Variants in C2orf42 observed in about 807,000 individuals in gnomAD.
The protein encoded by C2orf42 is chromosome 2 open reading frame 42.
Under a neutral mutation model 58.9 loss-of-function variants are expected in C2orf42, and 44 were observed. The observed-to-expected ratio is 0.75, with a 90% CI of 0.59 to 0.96. C2orf42 has a LOEUF of 0.96. C2orf42 is among the 40% of genes least tolerant of loss of function. The probability of loss-of-function intolerance (pLI) is 0.00; values close to 1 mark genes in which losing one functional copy is unlikely to be tolerated. For missense variants in C2orf42, 630 were observed against 699.2 expected (o/e 0.90, Z 1.12); for synonymous variants, 239 against 265.4 (o/e 0.90, Z 0.97).
chr2:70,187,987 G>A (rs557002687), intron 1 of C2orf42, among the ~76,000 whole-genome samples: 36 of 152,144 alleles, frequency 2.4e-4, no homozygotes, highest in African/African-American at 7.5e-4. Context: ...CACCATACCC[G>A]ACTGCATTTT....
Position 70,175,786 on chromosome 2 carries a change from C to A in C2orf42, c.935-9G>T. 1 of 1,480,342 alleles carries A rather than the reference C, an allele frequency of 6.8e-7. No homozygotes were observed. Among genetic ancestry groups the A allele is most frequent in the South Asian group, 1.1e-5 (1 of 88,310 alleles). 91.7% of individuals were successfully genotyped at this position (1,480,342 alleles called of 1,614,324 possible). ...ACTGTTCATCTGTGCACCTAAACCACAAATCATTACAGGTTTAACAATGTA... is the reference window on the plus strand; with the variant it reads ...ACTGTTCATCTGTGCACCTAAACCAAAAATCATTACAGGTTTAACAATGTA... On this transcript the variant is annotated splice_polypyrimidine_tract_variant and intron_variant, in intron 4 of 9. Coordinates refer to ENST00000264434, the MANE Select transcript of C2orf42 (RefSeq NM_017880.3).
chr2:70,152,753 G>C (rs564336381), intron 9 of C2orf42, among the ~76,000 whole-genome samples: 1 of 152,062 alleles, frequency 6.6e-6, no homozygotes, highest in Non-Finnish European at 1.5e-5. Context: ...TGAATAGCAG[G>C]GCCAGGTGCA....
intron 5 of C2orf42, among the ~76,000 whole-genome samples, chr2:70,173,643 T>C (rs1160181029): frequency 6.6e-6 from 1 of 152,016 alleles, no homozygotes; most frequent in African/African-American, 2.4e-5. Context: ...TTCTTTATTT[T>C]AGACAAGATT....
chr2:70,172,576 G>A (rs1467261203), intron 5 of C2orf42, among the ~76,000 whole-genome samples: 1 of 152,132 alleles, frequency 6.6e-6, no homozygotes, highest in Non-Finnish European at 1.5e-5. Context: ...CTACTTGGGA[G>A]GCTAAGGTGG....
At chr2:70,166,684 A>G (rs1277369211) in intron 6 of C2orf42, among the ~76,000 whole-genome samples, 1 of 152,036 alleles carries the variant, frequency 6.6e-6, no homozygotes, top group East Asian at 1.9e-4. Flanking sequence ...GAAAAAAAAG[A>G]AAAAAGACAA....
At chr2:70,158,192 C>A (rs1183619180) in intron 9 of C2orf42, among the ~76,000 whole-genome samples, 1 of 144,926 alleles carries the variant, frequency 6.9e-6, no homozygotes, top group Non-Finnish European at 1.5e-5. Context: ...GAGTGAGACT[C>A]GGTCTCAAAA....
chr2:70,176,961 T>C (rs781440892), intron 4 of C2orf42, among the ~76,000 whole-genome samples: 39 of 152,158 alleles, frequency 2.6e-4, no homozygotes, highest in Non-Finnish European at 5.6e-4. Context: ...CCAATAATTA[T>C]TTCCTTAGAA....
chr2:70,170,180 A>AG (rs1181880915), intron 5 of C2orf42, among the ~76,000 whole-genome samples: 1 of 117,392 alleles, frequency 8.5e-6, no homozygotes, highest in African/African-American at 4.7e-5. Context: ...AAGTTTGTCC[A>AG]GAAAAAAAAA....
intron 5 of C2orf42, among the ~76,000 whole-genome samples, chr2:70,170,826 CTG>C (rs546246817): frequency 1.2e-4 from 18 of 151,358 alleles, no homozygotes; most frequent in African/African-American, 4.4e-4. Flanking sequence ...TATATAATGA[CTG>C]TTTTAGGCTG....
chr2:70,177,790 A>G (rs1049382285), intron 4 of C2orf42, among the ~76,000 whole-genome samples: 1 of 152,152 alleles, frequency 6.6e-6, no homozygotes, highest in Non-Finnish European at 1.5e-5. Context: ...AATTCCAACA[A>G]TTTGGGAGGC....
chr2:70,184,479 A>ATT (rs771522645), intron 1 of C2orf42, among the ~76,000 whole-genome samples: 22 of 77,374 alleles, frequency 2.8e-4, no homozygotes, highest in Admixed American at 4.8e-4. Flanking sequence ...GCCTGGCCCT[A>ATT]TTTTTTTTTT....
intron 1 of C2orf42, among the ~76,000 whole-genome samples, chr2:70,189,715 CAAA>C (rs35750741): frequency 6.9e-5 from 5 of 72,304 alleles, no homozygotes; most frequent in African/African-American, 8.4e-5. Flanking sequence ...GACTCCGTCT[CAAA>C]AAAAAAAAAA....
At chr2:70,180,919 C>A (rs942331308) in intron 3 of C2orf42, among the ~76,000 whole-genome samples, 1 of 144,880 alleles carries the variant, frequency 6.9e-6, no homozygotes, top group African/African-American at 2.6e-5. Context: ...GGTAGGATCT[C>A]GAGCCTGGGA....
chr2:70,187,506 G>A (rs1201894111), intron 1 of C2orf42, among the ~76,000 whole-genome samples: 1 of 152,132 alleles, frequency 6.6e-6, no homozygotes, highest in East Asian at 1.9e-4. Context: ...GCCTGCCTCG[G>A]CCTCTCAAGT....
At chr2:70,178,933 A>G (rs1384636912) in intron 4 of C2orf42, among the ~76,000 whole-genome samples, 2 of 151,770 alleles carry the variant, frequency 1.3e-5, no homozygotes, top group Non-Finnish European at 2.9e-5. Context: ...TCAAAAAAAA[A>G]AAAAAGAAAA....
chr2:70,173,342 T>C (rs1416402007), intron 5 of C2orf42, among the ~76,000 whole-genome samples: 2 of 149,002 alleles, frequency 1.3e-5, no homozygotes, highest in African/African-American at 5.0e-5. Context: ...AGCATGATCT[T>C]GGCTCACTGC....
chr2:70,176,592 T>C (rs980237433), intron 4 of C2orf42, among the ~76,000 whole-genome samples: 5 of 152,206 alleles, frequency 3.3e-5, no homozygotes, highest in Admixed American at 6.6e-5. Context: ...CTGAGCATTT[T>C]CCCAAATTCT....
At chr2:70,163,161 C>T (rs887883847) in intron 8 of C2orf42, among the ~76,000 whole-genome samples, 10 of 151,922 alleles carry the variant, frequency 6.6e-5, no homozygotes, top group African/African-American at 1.2e-4. Context: ...AGCCACCGTG[C>T]GCGGCCTGAA....
At chr2:70,170,647 T>C (rs1673744201) in intron 5 of C2orf42, among the ~76,000 whole-genome samples, 2 of 151,124 alleles carry the variant, frequency 1.3e-5, no homozygotes, top group Admixed American at 6.6e-5. Context: ...ACAGCTACTC[T>C]GGAGGCTGAG....
Sources: allele counts gnomAD v4.1 joint callset (sites outside exome capture counted in the v4.1 genomes callset), GRCh38; gene constraint gnomAD v4.1.1; transcripts MANE v1.5; gene names NCBI Gene and HGNC (gene_info 2026-07-23, HGNC 2026-07-21).